Variants in LYPLAL1 observed in about 807,000 individuals in gnomAD.
The protein encoded by LYPLAL1 is lysophospholipase-like protein 1.
A neutral mutation model predicts 19.7 loss-of-function variants in LYPLAL1; 23 were observed. The observed-to-expected ratio is 1.17, with a 90% CI of 0.84 to 1.65. LYPLAL1 has a LOEUF of 1.65. LYPLAL1 is among the 40% of genes most tolerant of loss of function. The pLI, the probability that LYPLAL1 is intolerant of heterozygous loss-of-function variation, is 0.00. For synonymous variants in LYPLAL1, 119 were observed against 96.3 expected (o/e 1.24, Z -1.38); for missense variants, 355 against 279.4 (o/e 1.27, Z -1.93).
chr1:219,197,515 T>C (rs532824604), intron 3 of LYPLAL1, among the ~76,000 whole-genome samples: 1 of 152,142 alleles, frequency 6.6e-6, no homozygotes, highest in South Asian at 2.1e-4. Context: ...AACCAAAAAT[T>C]ATAAAAACCC....
chr1:219,357,562 A>G, the LYPLAL1 span, among the ~76,000 whole-genome samples: 6 of 152,310 alleles, frequency 3.9e-5, no homozygotes, highest in East Asian at 5.8e-4. Flanking sequence ...ATTCTCATTC[A>G]TTGTTGATGG....
the LYPLAL1 span, among the ~76,000 whole-genome samples, chr1:219,317,468 G>T: frequency 6.6e-6 from 1 of 151,994 alleles, no homozygotes; most frequent in Non-Finnish European, 1.5e-5. Context: ...CTTTAGAAAA[G>T]CAAATAATCT....
At chr1:219,425,479 A>G in the LYPLAL1 span, among the ~76,000 whole-genome samples, 1 of 152,210 alleles carries the variant, frequency 6.6e-6, no homozygotes, top group Non-Finnish European at 1.5e-5. Flanking sequence ...TAAAGTTAAC[A>G]TAGTTTAAAA....
chr1:219,269,468 C>T, the LYPLAL1 span, among the ~76,000 whole-genome samples: 4 of 152,056 alleles, frequency 2.6e-5, no homozygotes, highest in Admixed American at 2.6e-4. Context: ...AATAAGTCAC[C>T]TCAGTTTTCT....
chr1:219,185,650 G>A (rs1009337600), intron 2 of LYPLAL1, among the ~76,000 whole-genome samples: 3 of 151,866 alleles, frequency 2.0e-5, no homozygotes, highest in African/African-American at 4.8e-5. Context: ...CCTCTCCTAT[G>A]GGAAAACTTG....
intron 1 of LYPLAL1, among the ~76,000 whole-genome samples, chr1:219,178,073 A>G (rs1243909891): frequency 2.0e-5 from 3 of 152,188 alleles, no homozygotes; most frequent in Non-Finnish European, 4.4e-5. Flanking sequence ...CAGCAACTAT[A>G]TTTGGATACC....
the LYPLAL1 span, among the ~76,000 whole-genome samples, chr1:219,374,133 T>C: frequency 6.6e-6 from 1 of 150,666 alleles, no homozygotes; most frequent in Non-Finnish European, 1.5e-5. Context: ...TGGTTTTGTG[T>C]GGATTTTTTT....
the LYPLAL1 span, among the ~76,000 whole-genome samples, chr1:219,390,029 A>T: frequency 3.3e-5 from 5 of 152,114 alleles, no homozygotes; most frequent in Admixed American, 2.0e-4. Context: ...GTAAATTAGT[A>T]TTGGATTGGA....
chr1:219,335,065 A>G, the LYPLAL1 span, among the ~76,000 whole-genome samples: 5 of 151,950 alleles, frequency 3.3e-5, no homozygotes, highest in Non-Finnish European at 7.4e-5. Flanking sequence ...TCCTCCATAT[A>G]CAGAAAACTC....
At chr1:219,410,165 A>G in the LYPLAL1 span, 1 of 152,170 alleles carries the variant, frequency 6.6e-6, no homozygotes, top group Non-Finnish European at 1.5e-5. Flanking sequence ...AGAAAGGTAT[A>G]TTTGCTAACT....
At position 219,193,070 on chromosome 1, in the gene LYPLAL1, G is replaced by A; in HGVS notation, c.192-12G>A. 6.5e-7 allele frequency: 1 copy of A among 1,547,954 alleles called. No individual in the cohort carries two copies. Among genetic ancestry groups the A allele is most frequent in the East Asian group, 2.3e-5 (1 of 43,672 alleles). ...CTTTCTTTTTTTTTGGGGGGGGGCG[G>A]TTGTTAAACAGATCATATACTCCTA... On this transcript the variant is annotated splice_polypyrimidine_tract_variant and intron_variant, in intron 2 of 4. Coordinates refer to ENST00000366928, the MANE Select transcript of LYPLAL1 (RefSeq NM_138794.5).
At chr1:219,305,906 G>A in the LYPLAL1 span, among the ~76,000 whole-genome samples, 9 of 152,156 alleles carry the variant, frequency 5.9e-5, no homozygotes, top group South Asian at 4.2e-4. Context: ...TTGTTTATGC[G>A]GTATTTTATG....
intron 2 of LYPLAL1, among the ~76,000 whole-genome samples, chr1:219,189,886 A>T (rs1356965323): frequency 6.6e-6 from 1 of 151,702 alleles, no homozygotes; most frequent in Non-Finnish European, 1.5e-5. Context: ...ATAATCAAGA[A>T]CAATAGATGC....
chr1:219,289,300 C>G, the LYPLAL1 span, among the ~76,000 whole-genome samples: 1 of 151,970 alleles, frequency 6.6e-6, no homozygotes, highest in African/African-American at 2.4e-5. Flanking sequence ...CAAGGAAGCC[C>G]GTGAGAGCTG....
chr1:219,392,982 A>AT, the LYPLAL1 span, among the ~76,000 whole-genome samples: 1 of 152,130 alleles, frequency 6.6e-6, no homozygotes, highest in Admixed American at 6.5e-5. Flanking sequence ...TAATTTAGGT[A>AT]TTTTTGCTTG....
At position 219,212,855 on chromosome 1, in the gene LYPLAL1, T is replaced by G. The variant is rs549690244; in HGVS notation, c.*1127T>G. 4 of 152,218 alleles carry G rather than the reference T, an allele frequency of 2.6e-5. No homozygotes were observed. In the East Asian group the frequency reaches 7.7e-4, roughly 29 times the overall value. 9.4% of individuals were successfully genotyped at this position (152,218 alleles called of 1,614,324 possible). Reference sequence around the variant, plus strand: ...GTTTTAAATAAAGCTGCTATGAATATTCATGTAAGAGTCTCTGCATCGACC... The same window carrying G: ...GTTTTAAATAAAGCTGCTATGAATAGTCATGTAAGAGTCTCTGCATCGACC... On this transcript the variant is annotated 3_prime_UTR_variant, in exon 5 of 5. Transcript: ENST00000366928.
At chr1:219,297,222 A>T in the LYPLAL1 span, among the ~76,000 whole-genome samples, 2 of 152,256 alleles carry the variant, frequency 1.3e-5, no homozygotes, top group African/African-American at 2.4e-5. Context: ...AAAAACACAT[A>T]GGATTAACAA....
chr1:219,313,384 G>T, the LYPLAL1 span, among the ~76,000 whole-genome samples: 1 of 152,092 alleles, frequency 6.6e-6, no homozygotes. Context: ...CCTCATGTTG[G>T]TGACTTTGCA....
chr1:219,211,060 T>G (rs953025279), intron 4 of LYPLAL1, among the ~76,000 whole-genome samples: 1 of 152,156 alleles, frequency 6.6e-6, no homozygotes, highest in Non-Finnish European at 1.5e-5. Context: ...TGATGCAGCT[T>G]CAATTATAAT....
Sources: allele counts gnomAD v4.1 joint callset (sites outside exome capture counted in the v4.1 genomes callset), GRCh38; gene constraint gnomAD v4.1.1; transcripts MANE v1.5; gene names NCBI Gene and HGNC (gene_info 2026-07-23, HGNC 2026-07-21).